AGBL4: variants seen among roughly 807,000 people sequenced by gnomAD.
AGBL4 encodes AGBL carboxypeptidase 4, also known as cytosolic carboxypeptidase 6.
In AGBL4, 58 loss-of-function variants were observed where a neutral mutation model predicts 66.4. The ratio of observed to expected loss-of-function variants is 0.87; its 90% confidence interval spans 0.71 to 1.09. The LOEUF (loss-of-function observed/expected upper bound fraction) is 1.09. AGBL4 is among the 50% of genes least tolerant of loss of function. The probability of loss-of-function intolerance (pLI) is 0.00; values close to 1 mark genes in which losing one functional copy is unlikely to be tolerated. For missense variants in AGBL4, 579 were observed against 631.0 expected (o/e 0.92, Z 0.88); for synonymous variants, 234 against 222.9 (o/e 1.05, Z -0.44).
rs373790664 is a variant in AGBL4, at chr1:49,850,243, T to G, written c.157+1153A>C. 1.4e-3 allele frequency among the ~76,000 whole-genome samples: 210 copies of G among 152,282 alleles called. 1 individual carries two copies. The highest frequency in any genetic ancestry group is 4.7e-3 in the African/African-American group (197 of 41,564). On this transcript the variant is annotated intron_variant, in intron 2 of 13. Coordinates refer to ENST00000371839, the MANE Select transcript of AGBL4 (RefSeq NM_032785.4). ...ATATAGACATACAGGGAGAACACCA[T>G]GTACAGATGAAGGCAGAGATTAGAG...
At chr1:49,708,890 G>T (rs1647412372) in intron 2 of AGBL4, among the ~76,000 whole-genome samples, 1 of 152,188 alleles carries the variant, frequency 6.6e-6, no homozygotes, top group Non-Finnish European at 1.5e-5. Context: ...GGAGCCTGCA[G>T]AACAGCAAAG....
At chr1:49,586,588 A>C (rs971212994) in intron 3 of AGBL4, among the ~76,000 whole-genome samples, 9 of 152,182 alleles carry the variant, frequency 5.9e-5, no homozygotes, top group African/African-American at 1.9e-4. Flanking sequence ...ATAAAAGAGG[A>C]TATCCTGCTC....
intron 3 of AGBL4, among the ~76,000 whole-genome samples, chr1:49,294,566 G>A (rs1644603550): frequency 1.3e-5 from 2 of 152,158 alleles, no homozygotes; most frequent in Non-Finnish European, 2.9e-5. Flanking sequence ...CCAATTTTGA[G>A]TTTAATTGTG....
At chr1:49,196,872 G>A (rs1418530856) in intron 4 of AGBL4, among the ~76,000 whole-genome samples, 1 of 152,048 alleles carries the variant, frequency 6.6e-6, no homozygotes, top group African/African-American at 2.4e-5. Flanking sequence ...TTTTGCTCAG[G>A]CAGGAATACA....
intron 1 of AGBL4, among the ~76,000 whole-genome samples, chr1:49,890,233 G>C (rs1384581370): frequency 6.6e-6 from 1 of 152,176 alleles, no homozygotes; most frequent in African/African-American, 2.4e-5. Flanking sequence ...CACAGAATTA[G>C]TGAAAAGGCT....
Position 49,387,684 on chromosome 1 carries a change from G to A in AGBL4, c.283-141820C>T, listed in dbSNP as rs371852622. Among the ~76,000 whole-genome samples the A allele has an allele frequency of 3.4e-4, 51 of 152,066 alleles. 1 individual carries two copies. The South Asian group carries it at 9.7e-3, about 29-fold the overall frequency. On this transcript the variant is annotated intron_variant, in intron 3 of 13. Transcript: ENST00000371839. ...TTAGTTTTTGCTATTATGTTTCTATGTTTTCAAAACACCAATCCTAGTTAT... is the reference window on the plus strand; with the variant it reads ...TTAGTTTTTGCTATTATGTTTCTATATTTTCAAAACACCAATCCTAGTTAT...
chr1:48,694,411 C>T (rs1646683654), intron 6 of AGBL4, among the ~76,000 whole-genome samples: 2 of 152,186 alleles, frequency 1.3e-5, no homozygotes, highest in South Asian at 4.1e-4. Flanking sequence ...TGCAAATTAA[C>T]TTCTTTAAAG....
chr1:49,879,276 C>A (rs1647134746), intron 1 of AGBL4, among the ~76,000 whole-genome samples: 1 of 150,916 alleles, frequency 6.6e-6, no homozygotes, highest in African/African-American at 2.4e-5. Flanking sequence ...TACATTTTGG[C>A]ATGATTTTGC....
intron 3 of AGBL4, among the ~76,000 whole-genome samples, chr1:49,292,447 C>T (rs973354548): frequency 6.6e-6 from 1 of 152,186 alleles, no homozygotes; most frequent in Admixed American, 6.5e-5. Flanking sequence ...AACTTACGGT[C>T]CCTTTTCTGG....
chr1:48,992,082 G>A (rs1660645273), intron 5 of AGBL4, among the ~76,000 whole-genome samples: 1 of 152,106 alleles, frequency 6.6e-6, no homozygotes, highest in South Asian at 2.1e-4. Context: ...AATCATTAGG[G>A]ATTTATTGTA....
chr1:49,905,949 T>G (rs1197686501), intron 1 of AGBL4, among the ~76,000 whole-genome samples: 1 of 152,094 alleles, frequency 6.6e-6, no homozygotes, highest in Admixed American at 6.6e-5. Flanking sequence ...TCCCTTAGTA[T>G]GAGTATGATT....
chr1:49,278,175 A>G (rs996108452), intron 3 of AGBL4, among the ~76,000 whole-genome samples: 3 of 152,174 alleles, frequency 2.0e-5, no homozygotes, highest in Non-Finnish European at 2.9e-5. Flanking sequence ...GTAGCTCTAT[A>G]TAACAAACCA....
intron 3 of AGBL4, among the ~76,000 whole-genome samples, chr1:49,326,464 T>C (rs1645230067): frequency 6.6e-6 from 1 of 152,114 alleles, no homozygotes; most frequent in Admixed American, 6.5e-5. Context: ...GAGAGACATT[T>C]TGGGGAATCA....
chr1:48,678,485 G>C (rs1646403493), intron 6 of AGBL4, among the ~76,000 whole-genome samples: 1 of 152,188 alleles, frequency 6.6e-6, no homozygotes, highest in South Asian at 2.1e-4. Context: ...CTCAAGGTCA[G>C]AGCCCTGACC....
At chr1:49,581,712 T>C (rs1644544910) in intron 3 of AGBL4, among the ~76,000 whole-genome samples, 1 of 152,076 alleles carries the variant, frequency 6.6e-6, no homozygotes, top group Non-Finnish European at 1.5e-5. Context: ...ACCCTTCAGG[T>C]TTCAGTGGTA....
intron 2 of AGBL4, among the ~76,000 whole-genome samples, chr1:49,836,044 C>T (rs11805593): frequency 0.053 from 8,032 of 151,980 alleles, 239 homozygotes; most frequent in African/African-American, 0.071. Flanking sequence ...GTAAATCTGA[C>T]GATTATGTTT....
chr1:49,519,052 C>T (rs1650057078), intron 3 of AGBL4, among the ~76,000 whole-genome samples: 1 of 151,988 alleles, frequency 6.6e-6, no homozygotes, highest in African/African-American at 2.4e-5. Context: ...CAAACATTAG[C>T]CTGAGTTATT....
chr1:49,286,714 G>A (rs980735252), intron 3 of AGBL4, among the ~76,000 whole-genome samples: 4 of 151,750 alleles, frequency 2.6e-5, no homozygotes, highest in Non-Finnish European at 5.9e-5. Context: ...AATAAAAGAG[G>A]ATACAAAGAA....
At chr1:48,974,518 A>G (rs1469643463) in intron 5 of AGBL4, among the ~76,000 whole-genome samples, 1 of 152,194 alleles carries the variant, frequency 6.6e-6, no homozygotes, top group Non-Finnish European at 1.5e-5. Context: ...GAGAAATGCC[A>G]CATCCTAAAT....
Sources: allele counts gnomAD v4.1 joint callset (sites outside exome capture counted in the v4.1 genomes callset), GRCh38; gene constraint gnomAD v4.1.1; transcripts MANE v1.5; gene names NCBI Gene and HGNC (gene_info 2026-07-23, HGNC 2026-07-21).